Variants in CDC14A observed in about 807,000 individuals in gnomAD.
CDC14A encodes cell division cycle 14A, also known as dual specificity protein phosphatase CDC14A.
A neutral mutation model predicts 74.4 loss-of-function variants in CDC14A; 53 were observed. The observed-to-expected ratio is 0.71, with a 90% CI of 0.57 to 0.89. The LOEUF is 0.89. CDC14A is among the 40% of genes least tolerant of loss of function. The pLI is 0.00. For synonymous variants in CDC14A, 247 were observed against 258.4 expected (o/e 0.96, Z 0.43); for missense variants, 646 against 713.7 (o/e 0.91, Z 1.08).
rs1557732354 is a variant in CDC14A, at chr1:100,412,727, A to ATATATATATAT, written c.310-11493_310-11483dup. Among the ~76,000 whole-genome samples the ATATATATATAT allele has an allele frequency of 2.0e-3, 195 of 98,698 alleles. 13 individuals carry two copies. Among genetic ancestry groups the ATATATATATAT allele is most frequent in the African/African-American group, 0.01 (182 of 17,338 alleles). The allele number at this position is 98,698 out of a possible 152,430, so 64.7% of individuals were successfully genotyped here. A position where few individuals can be genotyped will look rare whatever the true frequency, so the allele number is the denominator to read the frequency against. ...ATATATATATATATATATATATTTT[A>ATATATATATAT]TATATATATATTTTATATATATATA... is the stretch of plus-strand genomic sequence containing the variant. On this transcript the variant is annotated intron_variant, in intron 4 of 15. Transcript: ENST00000336454.
At chr1:100,498,371 G>A (rs1648185199) in intron 14 of CDC14A, among the ~76,000 whole-genome samples, 164 bp downstream of exon 14, 1 of 152,172 alleles carries the variant, frequency 6.6e-6, no homozygotes, top group African/African-American at 2.4e-5. Flanking sequence ...GTCTTGGGAA[G>A]GCAGGAGACA....
chr1:100,412,076 A>G (rs1220591662), intron 4 of CDC14A, among the ~76,000 whole-genome samples: 1 of 152,200 alleles, frequency 6.6e-6, no homozygotes, highest in Non-Finnish European at 1.5e-5. Flanking sequence ...AGTCTCTGCT[A>G]GGGCTTGTAT....
intron 4 of CDC14A, among the ~76,000 whole-genome samples, chr1:100,394,803 G>A (rs1169501391): frequency 6.6e-6 from 1 of 152,230 alleles, no homozygotes; most frequent in East Asian, 1.9e-4. Flanking sequence ...AAAATTGGCA[G>A]TGGATCCTTA....
chr1:100,481,387 G>C (rs1006369960), intron 10 of CDC14A, among the ~76,000 whole-genome samples: 5 of 152,094 alleles, frequency 3.3e-5, no homozygotes, highest in African/African-American at 1.2e-4. Context: ...AAGTGAAGGA[G>C]GACAGGTCAG....
rs554473512 is a variant in CDC14A at position 100,492,390 on chromosome 1, T to C, written c.1138-2428T>C. ...AACCTCTAGGAAAATTATACTATTA[T>C]TTTTAGTGCCATATTTCTATTATAA... On this transcript the variant is annotated intron_variant, in intron 11 of 15. Coordinates refer to ENST00000336454, the MANE Select transcript of CDC14A (RefSeq NM_003672.4). Among the ~76,000 whole-genome samples the C allele has an allele frequency of 2.5e-3, 386 of 152,304 alleles. 2 individuals carry two copies. The highest frequency in any genetic ancestry group is 8.5e-3 in the African/African-American group (354 of 41,560).
At chr1:100,417,377 C>G (rs1456241855) in intron 4 of CDC14A, among the ~76,000 whole-genome samples, 5 of 152,170 alleles carry the variant, frequency 3.3e-5, no homozygotes, top group Non-Finnish European at 7.3e-5. Flanking sequence ...TGTGCAGGTT[C>G]CTGTGCAAAT....
At chr1:100,415,191 A>G (rs1332595095) in intron 4 of CDC14A, among the ~76,000 whole-genome samples, 1 of 152,222 alleles carries the variant, frequency 6.6e-6, no homozygotes, top group Non-Finnish European at 1.5e-5. Context: ...TTGCCCATCA[A>G]AAAGCTCCCA....
intron 10 of CDC14A, chr1:100,481,213 C>A (rs1237340580): frequency 2.0e-5 from 3 of 152,258 alleles, no homozygotes; most frequent in Admixed American, 6.5e-5. Flanking sequence ...AGGCCTAGGC[C>A]AAGCTAGAGA....
intron 4 of CDC14A, among the ~76,000 whole-genome samples, chr1:100,412,947 C>T (rs576331003): frequency 6.6e-6 from 1 of 150,682 alleles, no homozygotes; most frequent in East Asian, 2.0e-4. Context: ...TCTGCAGCTA[C>T]TTGGGAGGCT....
chr1:100,406,816 C>A (rs759173776), intron 4 of CDC14A, among the ~76,000 whole-genome samples: 1 of 151,786 alleles, frequency 6.6e-6, no homozygotes, highest in African/African-American at 2.4e-5. Context: ...ATCCTAGCTT[C>A]TCAGGAGGCT....
intron 5 of CDC14A, among the ~76,000 whole-genome samples, chr1:100,430,815 A>C (rs985362516): frequency 6.6e-6 from 1 of 152,324 alleles, no homozygotes; most frequent in African/African-American, 2.4e-5. Flanking sequence ...TTGAGTATCA[A>C]AACTGTGGAA....
chr1:100,470,885 A>G (rs1181840939), intron 10 of CDC14A, among the ~76,000 whole-genome samples: 1 of 152,138 alleles, frequency 6.6e-6, no homozygotes, highest in African/African-American at 2.4e-5. Flanking sequence ...TCATAACGTT[A>G]ATCTATATTT....
Position 100,424,216 on chromosome 1 carries a change from T to C in CDC14A, c.310-6T>C, listed in dbSNP as rs374433436. 1.2e-5 allele frequency: 19 copies of C among 1,602,514 alleles called. No individual in the cohort carries two copies. Among genetic ancestry groups the C allele is most frequent in the Admixed American group, 1.7e-5 (1 of 59,968 alleles). ...TGTTCTAAATGTTACTATTTATCTG[T>C]CTTAGGTAATCTATTTAAAGAAGAC... On this transcript the variant is annotated splice_polypyrimidine_tract_variant and splice_region_variant and intron_variant, in intron 4 of 15. Transcript: ENST00000336454.
intron 10 of CDC14A, among the ~76,000 whole-genome samples, chr1:100,473,919 C>T (rs986376886): frequency 6.6e-6 from 1 of 152,134 alleles, no homozygotes; most frequent in Non-Finnish European, 1.5e-5. Flanking sequence ...ACATCCTTGT[C>T]GTGCTCCCAG....
chr1:100,516,164 T>C (rs1650204711), intron 15 of CDC14A, among the ~76,000 whole-genome samples: 1 of 152,226 alleles, frequency 6.6e-6, no homozygotes. Flanking sequence ...ATATGAATAA[T>C]AGAAATCTTT....
At chr1:100,399,759 C>T (rs996476114) in intron 4 of CDC14A, among the ~76,000 whole-genome samples, 22 of 151,908 alleles carry the variant, frequency 1.4e-4, no homozygotes, top group Non-Finnish European at 4.4e-5. Context: ...GACCCAGCTA[C>T]CTGGAGACTG....
chr1:100,423,803 C>T (rs187574724), intron 4 of CDC14A: 5 of 174,174 alleles, frequency 2.9e-5, no homozygotes, highest in Admixed American at 2.2e-4. Flanking sequence ...GTAGATACCC[C>T]ATGGATATTG....
intron 4 of CDC14A, among the ~76,000 whole-genome samples, chr1:100,415,013 A>G (rs1170546927): frequency 2.6e-5 from 4 of 152,158 alleles, no homozygotes; most frequent in African/African-American, 9.7e-5. Context: ...CAGGCAGAAG[A>G]GAAGCATTGT....
At chr1:100,356,801 A>G (rs746453569) in intron 2 of CDC14A, among the ~76,000 whole-genome samples, 68 of 146,518 alleles carry the variant, frequency 4.6e-4, no homozygotes, top group Admixed American at 2.3e-3. Context: ...TGGAGGTTGC[A>G]GTGAGCTGAG....
Sources: allele counts gnomAD v4.1 joint callset (sites outside exome capture counted in the v4.1 genomes callset), GRCh38; gene constraint gnomAD v4.1.1; transcripts MANE v1.5; gene names NCBI Gene and HGNC (gene_info 2026-07-23, HGNC 2026-07-21).